The following KIAA0825 variants were observed in gnomAD, a reference collection of about 807,000 sequenced individuals.
KIAA0825 encodes KIAA0825.
A neutral mutation model predicts 147.6 loss-of-function variants in KIAA0825; 119 were observed. The observed-to-expected ratio is 0.81, with a 90% CI of 0.69 to 0.94. The LOEUF (loss-of-function observed/expected upper bound fraction) is 0.94, where lower values mean the gene tolerates loss of function less well. Ranked by LOEUF, KIAA0825 falls within the 40% of genes least tolerant of loss-of-function variation. KIAA0825 has a pLI of 0.00. For missense variants in KIAA0825, 1,381 were observed against 1,472.7 expected (o/e 0.94, Z 1.02); for synonymous variants, 470 against 518.1 (o/e 0.91, Z 1.26).
intron 20 of KIAA0825, among the ~76,000 whole-genome samples, chr5:94,217,098 T>A (rs968951882): frequency 1.3e-5 from 2 of 152,166 alleles, no homozygotes; most frequent in Non-Finnish European, 1.5e-5. Context: ...TTACTATGTA[T>A]ACATGTAGGA....
At chr5:94,334,602 C>A (rs1465025698) in intron 20 of KIAA0825, among the ~76,000 whole-genome samples, 4 of 152,198 alleles carry the variant, frequency 2.6e-5, no homozygotes, top group Admixed American at 2.6e-4. Context: ...CCTGCCTCAG[C>A]CTCCTGAGTA....
intron 20 of KIAA0825, among the ~76,000 whole-genome samples, chr5:94,331,002 G>T (rs112458094): frequency 7.5e-4 from 114 of 152,158 alleles, no homozygotes; most frequent in African/African-American, 2.6e-3. Flanking sequence ...GCCAGACGTG[G>T]TGGTGGGCTC....
intron 20 of KIAA0825, among the ~76,000 whole-genome samples, chr5:94,274,268 CTCTT>C (rs1206114901): frequency 3.3e-5 from 5 of 152,114 alleles, no homozygotes; most frequent in African/African-American, 1.2e-4. Flanking sequence ...GTTGAACTAT[CTCTT>C]TCACCCTTAG....
chr5:94,260,206 G>A (rs906154538), intron 20 of KIAA0825, among the ~76,000 whole-genome samples: 1 of 152,104 alleles, frequency 6.6e-6, no homozygotes, highest in Admixed American at 6.6e-5. Context: ...GAATTACAAT[G>A]AGGGAAGTGT....
At chr5:94,557,275 C>T (rs1246109745) in intron 2 of KIAA0825, among the ~76,000 whole-genome samples, 1 of 152,038 alleles carries the variant, frequency 6.6e-6, no homozygotes, top group Non-Finnish European at 1.5e-5. Flanking sequence ...CCATGCCTGG[C>T]TAATTTTTGT....
At chr5:94,327,704 G>A (rs1201402629) in intron 20 of KIAA0825, among the ~76,000 whole-genome samples, 1 of 152,008 alleles carries the variant, frequency 6.6e-6, no homozygotes, top group Non-Finnish European at 1.5e-5. Flanking sequence ...GAGGGTTTTT[G>A]GAGTAAAGAA....
chr5:94,507,699 A>C (rs1232763881), intron 5 of KIAA0825, among the ~76,000 whole-genome samples: 1 of 152,174 alleles, frequency 6.6e-6, no homozygotes. Context: ...TGAGAAAAAA[A>C]AAAAAGGAAA....
At chr5:94,243,892 T>C (rs1226651371) in intron 20 of KIAA0825, among the ~76,000 whole-genome samples, 1 of 152,206 alleles carries the variant, frequency 6.6e-6, no homozygotes, top group East Asian at 1.9e-4. Context: ...AATTGAGCTC[T>C]TAATTATAAA....
chr5:94,493,754 C>T (rs186735897), intron 5 of KIAA0825, among the ~76,000 whole-genome samples: 1,558 of 152,174 alleles, frequency 0.01, 10 homozygotes, highest in Non-Finnish European at 0.016. Context: ...TCCCAAAGTG[C>T]TGGGATTACA....
chr5:94,208,393 A>G (rs952747893), intron 20 of KIAA0825, among the ~76,000 whole-genome samples: 1 of 152,230 alleles, frequency 6.6e-6, no homozygotes, highest in African/African-American at 2.4e-5. Context: ...ATTATTCAAC[A>G]ATTCAATTCC....
chr5:94,494,658 C>T (rs1189637645), intron 5 of KIAA0825, among the ~76,000 whole-genome samples: 2 of 152,096 alleles, frequency 1.3e-5, no homozygotes, highest in Non-Finnish European at 2.9e-5. Flanking sequence ...AAAATATCTT[C>T]CTAGTATCCC....
At position 94,386,304 on chromosome 5, in the gene KIAA0825, G is replaced by A; in HGVS notation, c.3557C>T (p.Pro1186Leu). 1 of 1,551,486 alleles carries A rather than the reference G, an allele frequency of 6.4e-7. No homozygotes were observed. Among genetic ancestry groups the A allele is most frequent in the South Asian group, 1.2e-5 (1 of 84,052 alleles). The change falls in exon 19 of 21, where the codon CCT becomes CTT. Residue 1186 changes from proline to leucine, a missense_variant. Coordinates refer to ENST00000682413, the MANE Select transcript of KIAA0825 (RefSeq NM_001145678.3). ...KTTLRSIEDQ[P>L]SAFNPFHVYK... ...CACATGGAAAGGGTTAAAGGCAGAA[G>A]GCTGATCTTCTATACTCCTCAAGGT...
intron 20 of KIAA0825, among the ~76,000 whole-genome samples, chr5:94,361,923 C>G (rs896930775): frequency 1.3e-5 from 2 of 152,160 alleles, no homozygotes; most frequent in African/African-American, 4.8e-5. Flanking sequence ...GACAAACTTA[C>G]ACACACTGAA....
intron 20 of KIAA0825, among the ~76,000 whole-genome samples, chr5:94,166,017 G>A (rs970103749): frequency 4.6e-5 from 7 of 152,166 alleles, no homozygotes; most frequent in African/African-American, 1.7e-4. Flanking sequence ...TAATTGGATT[G>A]TTTGTAACTC....
rs756418950 is a variant in KIAA0825, at chr5:94,520,192, T to C, written c.970+56A>G. The C allele has an allele frequency of 6.2e-6, 9 of 1,449,342 alleles. No individual in the cohort carries two copies. The South Asian group carries it at 1.3e-4, about 22-fold the overall frequency. 89.8% of individuals were successfully genotyped at this position (1,449,342 alleles called of 1,614,324 possible). On this transcript the variant is annotated intron_variant, in intron 5 of 20. Coordinates refer to ENST00000682413, the MANE Select transcript of KIAA0825 (RefSeq NM_001145678.3). ...ACCAAATAGAAAACATCTTAGAAAA[T>C]TAAACATATTAAAAGACTTAAGTTA...
chr5:94,244,782 C>T (rs1775522733), intron 20 of KIAA0825, among the ~76,000 whole-genome samples: 1 of 152,090 alleles, frequency 6.6e-6, no homozygotes, highest in Non-Finnish European at 1.5e-5. Flanking sequence ...AGGTACCTTA[C>T]CCCTCCAATT....
intron 20 of KIAA0825, among the ~76,000 whole-genome samples, chr5:94,185,312 T>G (rs1263033367): frequency 6.6e-6 from 1 of 152,222 alleles, no homozygotes; most frequent in African/African-American, 2.4e-5. Context: ...GCTGAGGACA[T>G]ACTGTAATTA....
At chr5:94,610,426 C>CAAAAAA (rs199687437) in intron 1 of KIAA0825, among the ~76,000 whole-genome samples, 2 of 63,160 alleles carry the variant, frequency 3.2e-5, no homozygotes, top group Non-Finnish European at 6.7e-5. Context: ...AAGACTGTCT[C>CAAAAAA]AAAAAAAAAA....
intron 20 of KIAA0825, among the ~76,000 whole-genome samples, chr5:94,242,815 T>C (rs796883409): frequency 9.9e-5 from 15 of 152,024 alleles, no homozygotes; most frequent in African/African-American, 3.6e-4. Flanking sequence ...TAGTAGAGAT[T>C]AGGTTTTGCT....
Sources: gnomAD v4.1 joint callset for allele counts (sites outside exome capture counted in the v4.1 genomes callset) on GRCh38, gnomAD v4.1.1 for gene constraint, MANE v1.5 for transcripts, NCBI Gene and HGNC (gene_info 2026-07-23, HGNC 2026-07-21) for gene names.